The following PLEKHD1 variants were observed in gnomAD, a reference collection of about 807,000 sequenced individuals.
PLEKHD1 encodes the protein pleckstrin homology domain-containing family D member 1.
Under a neutral mutation model 69.2 loss-of-function variants are expected in PLEKHD1, and 51 were observed. That is an observed-to-expected ratio of 0.74 (90% confidence interval 0.59 to 0.93). The LOEUF is 0.93. PLEKHD1 is among the 40% of genes least tolerant of loss of function. PLEKHD1 has a pLI of 0.00. For missense variants in PLEKHD1, 584 were observed against 641.0 expected (o/e 0.91, Z 0.96); for synonymous variants, 236 against 244.7 (o/e 0.96, Z 0.33).
intron 6 of PLEKHD1, among the ~76,000 whole-genome samples, chr14:69,507,740 T>C (rs1883183696): frequency 6.6e-6 from 1 of 152,130 alleles, no homozygotes; most frequent in South Asian, 2.1e-4. Flanking sequence ...TGAGACAGAG[T>C]CTTGCTCTGT....
upstream of PLEKHD1, among the ~76,000 whole-genome samples, chr14:69,483,821 T>C (rs1017210793): frequency 1.3e-4 from 20 of 152,302 alleles, no homozygotes; most frequent in African/African-American, 4.8e-4. Flanking sequence ...GGCAGGCAGC[T>C]GTGCCAGCCT....
rs112010526 is a variant in PLEKHD1 at position 69,500,831 on chromosome 14, G to A, written c.334-40G>A. 4.5e-6 allele frequency: 7 copies of A among 1,549,664 alleles called. No individual in the cohort carries two copies. The South Asian group carries it at 7.1e-5, about 16-fold the overall frequency. On this transcript the variant is annotated intron_variant, in intron 3 of 12. Transcript: ENST00000322564. ...CTGGGCCTCCATCACCCTCAGCGTG[G>A]CTGCCTCTCAGGCATGCGCATGGCT...
chr14:69,501,024 C>G, intron 4 of PLEKHD1, 77 bp downstream of exon 4: 2 of 1,395,562 alleles, frequency 1.4e-6, no homozygotes, highest in Non-Finnish European at 2.0e-6. Context: ...CTCCCTGCCT[C>G]TCTGCTGGGA....
rs559471804 is a variant in PLEKHD1, at chr14:69,516,748, C to T, written c.556-5535C>T. ...GCAATGACACGATCTCAGCTCACTG[C>T]AGCCTCGACCTCCTGGGCTCAAGTG... On this transcript the variant is annotated intron_variant, in intron 6 of 12. Transcript: ENST00000322564. Among the ~76,000 whole-genome samples the T allele has an allele frequency of 2.0e-5, 3 of 152,192 alleles. No individual in the cohort carries two copies. The South Asian group carries it at 6.2e-4, about 32-fold the overall frequency.
chr14:69,472,187 C>T, the PLEKHD1 span, among the ~76,000 whole-genome samples: 4 of 152,184 alleles, frequency 2.6e-5, no homozygotes, highest in Admixed American at 2.6e-4. Flanking sequence ...ACAGGCGGCA[C>T]ACCCAACACC....
chr14:69,494,819 G>A lies in PLEKHD1; in HGVS notation c.150-5296G>A, dbSNP rs556087449. ...GTTCTGAGCCCCTGCCTGTTGAGAAGATGCTGAGAAGGGGCAGCTAAAATA... is the reference window on the plus strand; with the variant it reads ...GTTCTGAGCCCCTGCCTGTTGAGAAAATGCTGAGAAGGGGCAGCTAAAATA... On this transcript the variant is annotated intron_variant, in intron 1 of 12. Coordinates refer to ENST00000322564, the MANE Select transcript of PLEKHD1 (RefSeq NM_001161498.2). Among the ~76,000 whole-genome samples, 69 of 152,364 alleles carry A rather than the reference G, an allele frequency of 4.5e-4. No individual in the cohort carries two copies. The South Asian group carries it at 6.8e-3, about 15-fold the overall frequency.
rs1230077244 is a variant in PLEKHD1 at position 69,525,998 on chromosome 14, C to A, written c.799C>A (p.His267Asn). ...TLEMLEENEN[H>N]LQTLANQSEQ... is the part of the protein sequence containing the mutation. ...GGAAATGCTGGAGGAGAACGAGAAC[C>A]ACCTGCAGACACTGGCCAATCAGAG... Residue 267 changes from histidine to asparagine, a missense_variant, in exon 9 of 13, where the codon CAC becomes AAC. By Grantham distance (68) the His-to-Asn change is moderately conservative. Transcript: ENST00000322564. 8 of 1,551,564 alleles carry A rather than the reference C, an allele frequency of 5.2e-6. No homozygotes were observed. Among genetic ancestry groups the A allele is most frequent in the East Asian group, 4.9e-5 (2 of 40,926 alleles).
the PLEKHD1 span, among the ~76,000 whole-genome samples, chr14:69,478,689 A>G: frequency 6.6e-6 from 1 of 152,212 alleles, no homozygotes; most frequent in Admixed American, 6.5e-5. Flanking sequence ...CCAGTTCCCA[A>G]CAAGTTCCTC....
At chr14:69,476,647 G>A in the PLEKHD1 span, among the ~76,000 whole-genome samples, 2 of 152,194 alleles carry the variant, frequency 1.3e-5, no homozygotes, top group African/African-American at 4.8e-5. Flanking sequence ...TTGGGAATAA[G>A]AGAAGCATTG....
the PLEKHD1 span, among the ~76,000 whole-genome samples, chr14:69,473,024 C>A: frequency 6.6e-6 from 1 of 152,308 alleles, no homozygotes; most frequent in African/African-American, 2.4e-5. Flanking sequence ...TCACCGTCTC[C>A]CATCATCCCC....
chr14:69,500,293 G>A (rs1174561383), intron 2 of PLEKHD1, 85 bp downstream of exon 2: 11 of 1,137,518 alleles, frequency 9.7e-6, no homozygotes, highest in Admixed American at 2.2e-5. Context: ...AGGGGACTGC[G>A]CTCTTGCTCT....
rs538913170 is a variant in PLEKHD1 at position 69,487,243 on chromosome 14, A to G, written c.149+2129A>G. 4.0e-5 allele frequency among the ~76,000 whole-genome samples: 6 copies of G among 151,234 alleles called. 1 individual carries two copies. In the East Asian group the frequency reaches 1.2e-3, roughly 29 times the overall value. ...CACACACGCTATTTAGTCTTGGGTC[A>G]GTGACAGAGCCAGCCAGAGAGGGCC... On this transcript the variant is annotated intron_variant, in intron 1 of 12. Transcript: ENST00000322564.
chr14:69,526,797 G>A lies in PLEKHD1; in HGVS notation c.1024G>A (p.Ala342Thr), dbSNP rs1158766928. Residue 342 changes from alanine (A) to threonine (T), a missense_variant, in exon 10 of 13, where the codon GCA becomes ACA. Coordinates refer to ENST00000322564, the MANE Select transcript of PLEKHD1 (RefSeq NM_001161498.2). ...ALQNSLQELTAEKQQAERELK... is the reference protein window; with the variant it reads ...ALQNSLQELTTEKQQAERELK... ...GCAGAACTCGCTGCAGGAGCTGACGGCAGAGAAGCAGCAGGCTGAGCGGGA... is the reference window on the plus strand; with the variant it reads ...GCAGAACTCGCTGCAGGAGCTGACGACAGAGAAGCAGCAGGCTGAGCGGGA... 2 of 1,549,570 alleles carry A rather than the reference G, an allele frequency of 1.3e-6. No homozygotes were observed. Among genetic ancestry groups the A allele is most frequent in the Non-Finnish European group, 1.7e-6 (2 of 1,146,036 alleles).
upstream of PLEKHD1, among the ~76,000 whole-genome samples, chr14:69,481,460 G>C (rs1003008744): frequency 2.0e-5 from 3 of 152,190 alleles, no homozygotes; most frequent in African/African-American, 7.2e-5. Context: ...AAAAATTCCT[G>C]AAAAGAGAGG....
At chr14:69,501,052 C>A in intron 4 of PLEKHD1, 105 bp downstream of exon 4, 4 of 1,217,414 alleles carry the variant, frequency 3.3e-6, no homozygotes, top group Non-Finnish European at 4.7e-6. Context: ...GGGCACAGGG[C>A]CAGGGCTGTG....
chr14:69,503,701 A>AT (rs1566559464), intron 6 of PLEKHD1: 2 of 149,140 alleles, frequency 1.3e-5, no homozygotes, highest in African/African-American at 5.0e-5. Context: ...AAAAAAAAAA[A>AT]AAAAAAAAAA....
chr14:69,508,014 G>T (rs139446980), intron 6 of PLEKHD1, among the ~76,000 whole-genome samples: 1 of 152,320 alleles, frequency 6.6e-6, no homozygotes, highest in East Asian at 1.9e-4. Flanking sequence ...CCACTTTCAT[G>T]AGTTTAGCGG....
Position 69,485,022 on chromosome 14 carries a change from C to T in PLEKHD1, c.57C>T (p.Asp19=). ...CCTCGCCGTCCCTGGAGCAGGCTGA[C>T]TCGGACGCCCTGGATATCAGCACCA... The part of the protein sequence containing the change: ...VSPSPSLEQA[D]SDALDISTKV... The change falls in exon 1 of 13, where the codon GAC becomes GAT. Residue 19 remains aspartate (D), a synonymous_variant. Transcript: ENST00000322564. 6.4e-7 allele frequency: 1 copy of T among 1,551,394 alleles called. No homozygotes were observed. The highest frequency in any genetic ancestry group is 1.4e-5 in the African/African-American group (1 of 73,184).
intron 1 of PLEKHD1, among the ~76,000 whole-genome samples, chr14:69,496,319 G>C (rs1248619903): frequency 2.0e-5 from 3 of 152,204 alleles, no homozygotes; most frequent in African/African-American, 7.2e-5. Flanking sequence ...GTTTCAGTCA[G>C]CTTGGGCTAC....
Sources: gnomAD v4.1 joint callset for allele counts (sites outside exome capture counted in the v4.1 genomes callset) on GRCh38, gnomAD v4.1.1 for gene constraint, MANE v1.5 for transcripts, NCBI Gene and HGNC (gene_info 2026-07-23, HGNC 2026-07-21) for gene names.